Variants in GMDS observed in about 807,000 individuals in gnomAD.
GMDS encodes GDP-mannose 4,6 dehydratase.
GMDS carries 20 observed loss-of-function variants against 49.9 expected under a neutral mutation model. The observed-to-expected ratio is 0.40, with a 90% CI of 0.28 to 0.58. GMDS has a LOEUF of 0.58. Ranked by LOEUF, GMDS falls within the 20% of genes least tolerant of loss-of-function variation. The pLI, the probability that GMDS is intolerant of heterozygous loss-of-function variation, is 0.42. For synonymous variants in GMDS, 177 were observed against 178.6 expected, an observed-to-expected ratio of 0.99 and a Z score of 0.07; for missense variants, 362 against 481.4, an observed-to-expected ratio of 0.75 and a Z score of 2.32.
rs926574204 is a variant in GMDS at position 2,206,913 on chromosome 6, C to T, written c.102+38408G>A. On this transcript the variant is annotated intron_variant, in intron 1 of 10. Coordinates refer to ENST00000380815, the MANE Select transcript of GMDS (RefSeq NM_001500.4). ...AATTACTCCAGCAGTCCATCAGAGC[C>T]ATGAAGGGAGAATAAGCACAGGGGT... is the stretch of plus-strand genomic sequence containing the variant. Among the ~76,000 whole-genome samples, 3 of 152,286 alleles carry T rather than the reference C, an allele frequency of 2.0e-5. No homozygotes were observed. The East Asian group carries it at 5.8e-4, about 29-fold the overall frequency.
chr6:1,990,717 G>A (rs960917784), intron 4 of GMDS, among the ~76,000 whole-genome samples: 2 of 150,408 alleles, frequency 1.3e-5, no homozygotes, highest in African/African-American at 4.9e-5. Flanking sequence ...TGGGACTACA[G>A]GCGCAGATCA....
intron 4 of GMDS, among the ~76,000 whole-genome samples, chr6:2,081,850 CT>C (rs1444930726): frequency 2.0e-5 from 3 of 151,958 alleles, no homozygotes; most frequent in Non-Finnish European, 4.4e-5. Context: ...GAGATCTCCC[CT>C]CTCCCTCTCT....
intron 7 of GMDS, among the ~76,000 whole-genome samples, chr6:1,761,440 C>CT (rs1205969679): frequency 2.6e-5 from 4 of 152,162 alleles, no homozygotes; most frequent in Non-Finnish European, 5.9e-5. Flanking sequence ...TCTCAGTAGT[C>CT]TGACAAGTTA....
chr6:1,817,581 G>A (rs1201618292), intron 7 of GMDS, among the ~76,000 whole-genome samples: 2 of 151,926 alleles, frequency 1.3e-5, no homozygotes, highest in African/African-American at 2.4e-5. Context: ...TTATAACATG[G>A]GTCACTGAAA....
Position 2,124,675 on chromosome 6 carries a change from T to G in GMDS, c.147+12A>C. ...CCACCAGCCTGCGCCCGCTTCCCAT[T>G]GAGTCACCCACCTCATAGCCTTTCT... On this transcript the variant is annotated intron_variant, in intron 2 of 10. Coordinates refer to ENST00000380815, the MANE Select transcript of GMDS (RefSeq NM_001500.4). 1 of 1,611,476 alleles carries G rather than the reference T, an allele frequency of 6.2e-7. No individual in the cohort carries two copies. Among genetic ancestry groups the G allele is most frequent in the Non-Finnish European group, 8.5e-7 (1 of 1,177,704 alleles).
chr6:2,139,657 A>G (rs1776186959), intron 1 of GMDS, among the ~76,000 whole-genome samples: 1 of 152,188 alleles, frequency 6.6e-6, no homozygotes, highest in African/African-American at 2.4e-5. Flanking sequence ...TAATTAAGTG[A>G]CTTACCCAAA....
intron 7 of GMDS, among the ~76,000 whole-genome samples, chr6:1,838,811 C>G (rs1757032867): frequency 6.6e-6 from 1 of 152,162 alleles, no homozygotes; most frequent in African/African-American, 2.4e-5. Context: ...ATCTCAAGAT[C>G]TGCATGTAAA....
At chr6:1,823,689 T>C (rs763794178) in intron 7 of GMDS, among the ~76,000 whole-genome samples, 48 of 152,178 alleles carry the variant, frequency 3.2e-4, no homozygotes, top group Non-Finnish European at 4.7e-4. Flanking sequence ...TACCCACTAA[T>C]ATATATGGCT....
rs34490393 is a variant in GMDS, at chr6:1,880,284, C to CAAA, written c.771+49816_771+49818dup. On this transcript the variant is annotated intron_variant, in intron 7 of 10. Transcript: ENST00000380815. ...ACAATGAAACGAGACCTCATTTCCA[C>CAAA]AAAAAAAAAAAAAAAAAAAAAAAAA... 7.0e-3 allele frequency among the ~76,000 whole-genome samples: 411 copies of CAAA among 58,542 alleles called. 3 individuals carry two copies. Among genetic ancestry groups the CAAA allele is most frequent in the East Asian group, 9.1e-3 (18 of 1,970 alleles). 38.4% of individuals were successfully genotyped at this position (58,542 alleles called of 152,430 possible).
rs201759982 is a variant in GMDS at position 1,868,962 on chromosome 6, CG to C, written c.771+61140del. 4.6e-3 allele frequency among the ~76,000 whole-genome samples: 703 copies of C among 152,272 alleles called. 4 individuals carry two copies. The highest frequency in any genetic ancestry group is 0.016 in the African/African-American group (664 of 41,554). On this transcript the variant is annotated intron_variant, in intron 7 of 10. Transcript: ENST00000380815. Reference sequence around the variant, plus strand: ...TTAATATGTTCTTACAATGTGAACACGTACAAGTGAAATAATAAAGTGCAAA... The same window carrying C: ...TTAATATGTTCTTACAATGTGAACACTACAAGTGAAATAATAAAGTGCAAA...
At chr6:1,644,199 G>A (rs1231030371) in intron 9 of GMDS, among the ~76,000 whole-genome samples, 1 of 152,218 alleles carries the variant, frequency 6.6e-6, no homozygotes, top group African/African-American at 2.4e-5. Context: ...GACCCACGCG[G>A]GGAGGGCCCT....
Position 2,197,000 on chromosome 6 carries a change from A to G in GMDS, c.102+48321T>C, listed in dbSNP as rs1355090588. On this transcript the variant is annotated intron_variant, in intron 1 of 10. Coordinates refer to ENST00000380815, the MANE Select transcript of GMDS (RefSeq NM_001500.4). ...CAGTGAAAATTTAAGCCTTTTAACTAGTAAAAGGGTTGCAAGTTAAACCTC... is the reference window on the plus strand; with the variant it reads ...CAGTGAAAATTTAAGCCTTTTAACTGGTAAAAGGGTTGCAAGTTAAACCTC... Among the ~76,000 whole-genome samples the G allele has an allele frequency of 2.0e-5, 3 of 152,218 alleles. No homozygotes were observed. The East Asian group carries it at 5.8e-4, about 29-fold the overall frequency.
intron 1 of GMDS, among the ~76,000 whole-genome samples, chr6:2,195,939 T>C (rs965633112): frequency 6.6e-6 from 1 of 151,896 alleles, no homozygotes; most frequent in African/African-American, 2.4e-5. Context: ...CTGTGGAGAG[T>C]ATATGCCAAA....
chr6:1,876,023 A>G (rs9378660), intron 7 of GMDS, among the ~76,000 whole-genome samples: 5,312 of 151,544 alleles, frequency 0.035, 204 homozygotes, highest in East Asian at 0.15. Flanking sequence ...CTCAAAAAAA[A>G]AAAAGAAAAG....
At chr6:1,980,848 AG>A (rs899604448) in intron 4 of GMDS, among the ~76,000 whole-genome samples, 1 of 152,210 alleles carries the variant, frequency 6.6e-6, no homozygotes, top group African/African-American at 2.4e-5. Flanking sequence ...CTCAGACTAC[AG>A]CCCAATCAAA....
At chr6:1,905,538 T>G (rs71550091) in intron 7 of GMDS, among the ~76,000 whole-genome samples, 205 of 95,810 alleles carry the variant, frequency 2.1e-3, no homozygotes, top group Middle Eastern at 7.5e-3. Flanking sequence ...GCGTGTAGGT[T>G]GGACCTCAAA....
chr6:1,984,090 C>T (rs1406309692), intron 4 of GMDS, among the ~76,000 whole-genome samples: 1 of 152,030 alleles, frequency 6.6e-6, no homozygotes, highest in Non-Finnish European at 1.5e-5. Context: ...GAGCTGGAAG[C>T]CATTATCTTC....
Position 1,624,554 on chromosome 6 carries a change from G to A in GMDS, c.988-14C>T, listed in dbSNP as rs751212479. ...CTGCAGAAAGTCCTAGGGAAGAAGA[G>A]GGGGAGACGAAGCAGGCGTGGGTCG... On this transcript the variant is annotated splice_polypyrimidine_tract_variant and intron_variant, in intron 9 of 10. Coordinates refer to ENST00000380815, the MANE Select transcript of GMDS (RefSeq NM_001500.4). 1 of 1,607,628 alleles carries A rather than the reference G, an allele frequency of 6.2e-7. No homozygotes were observed. Among genetic ancestry groups the A allele is most frequent in the Non-Finnish European group, 8.5e-7 (1 of 1,174,556 alleles).
chr6:2,191,402 T>C lies in GMDS; in HGVS notation c.102+53919A>G, dbSNP rs1266910704. Among the ~76,000 whole-genome samples, 1 of 152,002 alleles carries C rather than the reference T, an allele frequency of 6.6e-6. No individual in the cohort carries two copies. Among genetic ancestry groups the C allele is most frequent in the Non-Finnish European group, 1.5e-5 (1 of 67,960 alleles). On this transcript the variant is annotated intron_variant, in intron 1 of 10. Transcript: ENST00000380815. This position sits in a 1 kb window ranked among gnomAD's most constrained non-coding sequence, Gnocchi z 4.6. Reference sequence around the variant, plus strand: ...GCTGCAAGGGGGCACAGCTGGGACTTCCCGCTTCATGGAACCGGGAGCCAG... The same window carrying C: ...GCTGCAAGGGGGCACAGCTGGGACTCCCCGCTTCATGGAACCGGGAGCCAG...
Sources: gnomAD v4.1 joint callset for allele counts (sites outside exome capture counted in the v4.1 genomes callset) on GRCh38, gnomAD v4.1.1 for gene constraint, Gnocchi (gnomAD v3.1) non-coding constraint, MANE v1.5 for transcripts, NCBI Gene and HGNC (gene_info 2026-07-23, HGNC 2026-07-21) for gene names.